Variants in FMN1 observed in about 807,000 individuals in gnomAD.
FMN1 encodes formin-1.
A neutral mutation model predicts 132.4 loss-of-function variants in FMN1; 110 were observed. The observed-to-expected ratio is 0.83, with a 90% CI of 0.71 to 0.97. The LOEUF (loss-of-function observed/expected upper bound fraction) is 0.97, where lower values mean the gene tolerates loss of function less well. Ranked by LOEUF, FMN1 falls within the 50% of genes least tolerant of loss-of-function variation. The pLI, the probability that FMN1 is intolerant of heterozygous loss-of-function variation, is 0.00. For missense variants in FMN1, 1,792 were observed against 1,705.3 expected (o/e 1.05, Z -0.90); for synonymous variants, 722 against 651.7 (o/e 1.11, Z -1.64).
At chr15:33,111,702 T>C (rs965447186) in intron 4 of FMN1, among the ~76,000 whole-genome samples, 2 of 152,146 alleles carry the variant, frequency 1.3e-5, no homozygotes, top group Non-Finnish European at 2.9e-5. Flanking sequence ...ACCACAATAT[T>C]GCATGATACC....
intron 16 of FMN1, among the ~76,000 whole-genome samples, chr15:32,873,532 T>C (rs2059565272): frequency 6.6e-6 from 1 of 152,162 alleles, no homozygotes; most frequent in Admixed American, 6.5e-5. Flanking sequence ...TCCTAGGGCC[T>C]GTCAGGCTAG....
At position 33,153,260 on chromosome 15, in the gene FMN1, T is replaced by C; in HGVS notation, c.1655A>G (p.Asn552Ser). The C allele has an allele frequency of 1.3e-6, 2 of 1,536,042 alleles. No individual in the cohort carries two copies. The highest frequency in any genetic ancestry group is 1.7e-6 in the Non-Finnish European group (2 of 1,146,890). The change falls in exon 4 of 21, where the codon AAT (asparagine) becomes AGT (serine). Residue 552 changes from asparagine (N) to serine (S), a missense_variant. Around this residue, in one of 3 missense-constraint regions of FMN1, gnomAD observed 1,150 missense variants for 1,043.1 expected, o/e 1.10. Coordinates refer to ENST00000616417, the MANE Select transcript of FMN1 (RefSeq NM_001277313.2). ...ACGGCTCTTTCTACAAGGAGAGTCA[T>C]TAAGAGCAGCTTCCCTCTCACCAGG... ...ALPGEREAAL[N>S]DSPCRKSRVF...
chr15:33,037,398 T>A (rs1347280880), intron 6 of FMN1, among the ~76,000 whole-genome samples: 1 of 152,096 alleles, frequency 6.6e-6, no homozygotes, highest in African/African-American at 2.4e-5. Context: ...ATACAAAATT[T>A]TGTCGGAGAG....
At chr15:32,875,335 A>C (rs959266130) in intron 16 of FMN1, among the ~76,000 whole-genome samples, 1 of 151,800 alleles carries the variant, frequency 6.6e-6, no homozygotes, top group Non-Finnish European at 1.5e-5. Context: ...CATCTACAGG[A>C]AAGTTCTAGA....
At chr15:32,948,090 T>G (rs988128450) in intron 9 of FMN1, among the ~76,000 whole-genome samples, 2 of 152,012 alleles carry the variant, frequency 1.3e-5, no homozygotes, top group African/African-American at 4.8e-5. Context: ...GACACTCTTT[T>G]TGAGGCTAAA....
chr15:32,960,554 G>A (rs527459828), intron 9 of FMN1, among the ~76,000 whole-genome samples: 2 of 152,192 alleles, frequency 1.3e-5, no homozygotes, highest in African/African-American at 4.8e-5. Flanking sequence ...ATTTTTATCC[G>A]TAATTGAAGT....
chr15:33,003,146 A>T (rs966029071), intron 7 of FMN1, among the ~76,000 whole-genome samples: 3 of 152,220 alleles, frequency 2.0e-5, no homozygotes, highest in Non-Finnish European at 4.4e-5. Flanking sequence ...GGTACAAGAC[A>T]GGGATGCCCT....
intron 6 of FMN1, among the ~76,000 whole-genome samples, chr15:33,018,221 T>C (rs560064128): frequency 5.3e-5 from 8 of 152,298 alleles, no homozygotes; most frequent in South Asian, 4.2e-4. Flanking sequence ...TATTTGGCCC[T>C]TGACCCCACT....
At chr15:32,954,643 G>T (rs1373107428) in intron 9 of FMN1, among the ~76,000 whole-genome samples, 1 of 152,210 alleles carries the variant, frequency 6.6e-6, no homozygotes, top group African/African-American at 2.4e-5. Context: ...ATAAAATTCA[G>T]TCTTGGCCAA....
intron 9 of FMN1, among the ~76,000 whole-genome samples, chr15:32,958,075 A>C (rs1312741061): frequency 6.6e-6 from 1 of 152,194 alleles, no homozygotes; most frequent in Non-Finnish European, 1.5e-5. Context: ...AAAGAAAAAC[A>C]CCAGCTCCAA....
intron 6 of FMN1, among the ~76,000 whole-genome samples, chr15:33,015,996 T>C (rs2035023257): frequency 6.6e-6 from 1 of 152,174 alleles, no homozygotes; most frequent in Admixed American, 6.5e-5. Flanking sequence ...CTACGGTGGA[T>C]TTATTGACTT....
At chr15:32,789,407 CAT>C (rs1440685583) in intron 19 of FMN1, among the ~76,000 whole-genome samples, 1 of 152,110 alleles carries the variant, frequency 6.6e-6, no homozygotes, top group African/African-American at 2.4e-5. Context: ...TCACTTGAGA[CAT>C]AATATTTTTA....
rs147923891 is a variant in FMN1 at position 32,999,944 on chromosome 15, TA to T, written c.2223+8069del. Among the ~76,000 whole-genome samples the T allele has an allele frequency of 5.1e-3, 770 of 152,310 alleles. 5 individuals carry two copies. Among genetic ancestry groups the T allele is most frequent in the African/African-American group, 0.018 (749 of 41,564 alleles). On this transcript the variant is annotated intron_variant, in intron 7 of 20. Transcript: ENST00000616417. The stretch of plus-strand genomic sequence containing the variant: ...CCATGCTCAGGCTTCCCTTTTGTCA[TA>T]AAGATTTGGGTATCCTACAGAGTTT...
chr15:32,820,860 C>T (rs999960277), intron 17 of FMN1, among the ~76,000 whole-genome samples: 1 of 152,068 alleles, frequency 6.6e-6, no homozygotes, highest in Admixed American at 6.5e-5. Context: ...TTGTTTACAA[C>T]GTTTATCATT....
At position 32,771,037 on chromosome 15, in the gene FMN1, G is replaced by A. The variant is rs2056219618; in HGVS notation, c.*3273C>T. ...TAAGCTGCCACTTATTGAGATAAAAGCCATACAGCACACCTCCTAACCTGG... is the reference window on the plus strand; with the variant it reads ...TAAGCTGCCACTTATTGAGATAAAAACCATACAGCACACCTCCTAACCTGG... On this transcript the variant is annotated 3_prime_UTR_variant, in exon 21 of 21. Transcript: ENST00000616417. 1 of 151,110 alleles carries A rather than the reference G, an allele frequency of 6.6e-6. No individual in the cohort carries two copies. Among genetic ancestry groups the A allele is most frequent in the African/African-American group, 2.4e-5 (1 of 41,080 alleles). The allele number at this position is 151,110 out of a possible 1,614,324, so 9.4% of individuals were successfully genotyped here. A position where few individuals can be genotyped will look rare whatever the true frequency, so the allele number is the denominator to read the frequency against.
intron 16 of FMN1, among the ~76,000 whole-genome samples, chr15:32,867,254 A>G (rs1567296244): frequency 6.6e-6 from 1 of 152,020 alleles, no homozygotes. Context: ...ACCTGCAGGC[A>G]CCTCTATTAC....
chr15:33,112,523 G>A (rs889976420), intron 4 of FMN1, among the ~76,000 whole-genome samples: 7 of 152,108 alleles, frequency 4.6e-5, no homozygotes, highest in African/African-American at 1.7e-4. Context: ...GAACCTAAGA[G>A]CATTCGGTAC....
At chr15:32,982,210 T>A (rs2032732798) in intron 7 of FMN1, among the ~76,000 whole-genome samples, 1 of 151,978 alleles carries the variant, frequency 6.6e-6, no homozygotes, top group African/African-American at 2.4e-5. Flanking sequence ...GCACGCCTAT[T>A]AGGAGGAGGG....
chr15:33,018,752 T>C (rs532981257), intron 6 of FMN1, among the ~76,000 whole-genome samples: 39 of 152,274 alleles, frequency 2.6e-4, no homozygotes, highest in African/African-American at 9.4e-4. Context: ...TTGTTCCCTC[T>C]GATGTTCGGA....
Sources: allele counts gnomAD v4.1 joint callset (sites outside exome capture counted in the v4.1 genomes callset), GRCh38; gene constraint gnomAD v4.1.1; regional missense constraint gnomAD v4.1.1; transcripts MANE v1.5; gene names NCBI Gene and HGNC (gene_info 2026-07-23, HGNC 2026-07-21).